The following KXD1 variants were observed in gnomAD, a reference collection of about 807,000 sequenced individuals.
KXD1 encodes KxDL motif containing 1.
In KXD1, 5 loss-of-function variants were observed where a neutral mutation model predicts 12.1. The observed-to-expected ratio is 0.41, with a 90% CI of 0.22 to 0.87. The LOEUF is 0.87. Among genes scored for constraint, KXD1 ranks in the 40% least tolerant of loss-of-function variants. KXD1 has a pLI of 0.31. For synonymous variants in KXD1, 98 were observed against 100.5 expected (o/e 0.98, Z 0.15); for missense variants, 193 against 244.9 (o/e 0.79, Z 1.41).
Position 18,568,723 on chromosome 19 carries a change from T to G in KXD1, c.*92T>G. 1.0e-6 allele frequency: 1 copy of G among 957,824 alleles called. No individual in the cohort carries two copies. The highest frequency in any genetic ancestry group is 2.2e-5 in the Admixed American group (1 of 44,470). 59.3% of individuals were successfully genotyped at this position (957,824 alleles called of 1,614,324 possible). A position where few individuals can be genotyped will look rare whatever the true frequency, so the allele number is the denominator to read the frequency against. ...GCCTTGTTCTGTCATCCAGGGCTCC[T>G]TTGCTGCCCCGTTCTGTCACCCAGG... On this transcript the variant is annotated 3_prime_UTR_variant, in exon 5 of 5. Coordinates refer to ENST00000222307, the MANE Select transcript of KXD1 (RefSeq NM_024069.4).
chr19:18,568,468 C>T lies in KXD1; in HGVS notation c.368C>T (p.Thr123Ile). The T allele has an allele frequency of 6.2e-7, 1 of 1,614,084 alleles. No individual in the cohort carries two copies. Among genetic ancestry groups the T allele is most frequent in the Non-Finnish European group, 8.5e-7 (1 of 1,180,010 alleles). ...CCCATCCCACCCAGCACCACGACCA[C>T]CATTGCCACCTCAGAACAGAGCACG... ...EDPIPPSTTT[T>I]IATSEQSTGS... Residue 123 changes from threonine (T) to isoleucine (I), a missense_variant, in exon 5 of 5, where the codon ACC (threonine) becomes ATC (isoleucine). Physicochemically the swap from Thr to Ile is moderately conservative, Grantham distance 89 (BLOSUM62 -1). Transcript: ENST00000222307.
At chr19:18,559,981 C>G (rs904527344) in intron 1 of KXD1, 1 of 119,734 alleles carries the variant, frequency 8.4e-6, no homozygotes, top group Non-Finnish European at 1.7e-5. Context: ...CTCTCTCTCC[C>G]TTCCTTCCTT....
chr19:18,559,919 CTCTCTCTT>C (rs1179822411), intron 1 of KXD1: 2 of 150,972 alleles, frequency 1.3e-5, no homozygotes, highest in Non-Finnish European at 3.0e-5. Context: ...TCTTTCTCTC[CTCTCTCTT>C]TCTCTCTTTG....
At position 18,564,978 on chromosome 19, in the gene KXD1, G is replaced by A. The variant is rs1263444994; in HGVS notation, c.211G>A (p.Val71Ile). 7 of 1,611,068 alleles carry A rather than the reference G, an allele frequency of 4.3e-6. No individual in the cohort carries two copies. Among genetic ancestry groups the A allele is most frequent in the Admixed American group, 1.7e-5 (1 of 60,018 alleles). The change falls in exon 3 of 5, where the codon GTA becomes ATA. Residue 71 changes from valine (V) to isoleucine (I), a missense_variant. Physicochemically the swap from Val to Ile is conservative, Grantham distance 29. Coordinates refer to ENST00000222307, the MANE Select transcript of KXD1 (RefSeq NM_024069.4). ...ERFLHHTRTL[V>I]EMKRDLDSIF... ...CTTCCTGCACCACACGAGGACCCTAGTAGAGATGAAACGGGACCTGGACAG... is the reference window on the plus strand; with the variant it reads ...CTTCCTGCACCACACGAGGACCCTAATAGAGATGAAACGGGACCTGGACAG...
intron 4 of KXD1, 77 bp downstream of exon 4, chr19:18,567,255 TG>T: frequency 7.0e-7 from 1 of 1,434,628 alleles, no homozygotes; most frequent in Non-Finnish European, 9.8e-7. Flanking sequence ...AAGGCCACCT[TG>T]GGGCCTGATA....
chr19:18,566,263 A>T (rs1218895103), intron 3 of KXD1, among the ~76,000 whole-genome samples: 1 of 151,832 alleles, frequency 6.6e-6, no homozygotes, highest in Non-Finnish European at 1.5e-5. Flanking sequence ...ATCCCGGCTA[A>T]CATGGTGAAA....
At chr19:18,565,163 A>G (rs908600205) in intron 3 of KXD1, 142 bp downstream of exon 3, 2 of 1,444,424 alleles carry the variant, frequency 1.4e-6, no homozygotes, top group Admixed American at 2.7e-5. Context: ...TGTCTGGGAC[A>G]ATTCCAACCC....
intron 1 of KXD1, among the ~76,000 whole-genome samples, chr19:18,561,213 G>C (rs1322809385): frequency 2.6e-5 from 4 of 151,976 alleles, no homozygotes; most frequent in African/African-American, 9.7e-5. Flanking sequence ...GAGCAGCCTA[G>C]GCAACATAGC....
chr19:18,565,852 T>A (rs2145247373), intron 3 of KXD1, among the ~76,000 whole-genome samples: 1 of 152,268 alleles, frequency 6.6e-6, no homozygotes, highest in Non-Finnish European at 1.5e-5. Flanking sequence ...CACGCCCAGC[T>A]GATTTTTTGT....
chr19:18,559,485 T>C (rs1361529044), intron 1 of KXD1: 1 of 152,136 alleles, frequency 6.6e-6, no homozygotes, highest in African/African-American at 2.4e-5. Context: ...GCCTCCATGA[T>C]ATCTTGGAAA....
At chr19:18,563,871 C>T (rs766934074) in intron 2 of KXD1, among the ~76,000 whole-genome samples, 3 of 151,540 alleles carry the variant, frequency 2.0e-5, no homozygotes, top group Non-Finnish European at 2.9e-5. Context: ...TCCACCCTGC[C>T]TCAACCTCCT....
In KXD1 at chr19:18,568,409, A is replaced by C. The variant is rs1200106688; in HGVS notation, c.309A>C (p.Pro103=). ...RQHPEAFSHI[P]EASFLEEEDE... The stretch of plus-strand genomic sequence containing the variant: ...TGGGCCTCCTTCCCCCAGATATCCC[A>C]GAGGCATCCTTCCTGGAGGAAGAGG... Residue 103 remains proline (P), a synonymous_variant, in exon 5 of 5, where the codon CCA becomes CCC. Transcript: ENST00000222307. 2.5e-6 allele frequency: 4 copies of C among 1,613,210 alleles called. No homozygotes were observed. The South Asian group carries it at 4.4e-5, about 18-fold the overall frequency.
chr19:18,559,735 C>T (rs1227594641), intron 1 of KXD1: 1 of 152,138 alleles, frequency 6.6e-6, no homozygotes. Flanking sequence ...CCCAGTTTCT[C>T]AGTGTCCCTG....
Position 18,568,436 on chromosome 19 carries a change from T to C in KXD1, c.336T>C (p.Asp112=). 6.2e-7 allele frequency: 1 copy of C among 1,614,100 alleles called. No homozygotes were observed. The highest frequency in any genetic ancestry group is 1.7e-5 in the Admixed American group (1 of 60,002). Residue 112 remains aspartate, a synonymous_variant, in exon 5 of 5, where the codon GAT becomes GAC. Coordinates refer to ENST00000222307, the MANE Select transcript of KXD1 (RefSeq NM_024069.4). The part of the protein sequence containing the change: ...IPEASFLEEE[D]EDPIPPSTTT... Reference sequence around the variant, plus strand: ...AGGCATCCTTCCTGGAGGAAGAGGATGAAGACCCCATCCCACCCAGCACCA... The same window carrying C: ...AGGCATCCTTCCTGGAGGAAGAGGACGAAGACCCCATCCCACCCAGCACCA...
chr19:18,564,780 C>A, intron 2 of KXD1, 89 bp from the exon 3 acceptor site: 1 of 1,459,102 alleles, frequency 6.9e-7, no homozygotes, highest in South Asian at 1.2e-5. Flanking sequence ...GTGAAGCAGG[C>A]AAGGGCTTGG....
chr19:18,565,142 G>A, intron 3 of KXD1, 121 bp downstream of exon 3: 2 of 1,496,896 alleles, frequency 1.3e-6, no homozygotes, highest in Non-Finnish European at 1.8e-6. Flanking sequence ...AGGCTTCACT[G>A]CGCACTTAAG....
intron 1 of KXD1, chr19:18,559,973 C>T (rs965312117): frequency 8.3e-5 from 12 of 144,396 alleles, no homozygotes; most frequent in African/African-American, 3.1e-4. Context: ...CTCTCTTTCT[C>T]TCTCTCCCTT....
chr19:18,568,565 C>A lies in KXD1; in HGVS notation c.465C>A (p.Val155=). The A allele has an allele frequency of 6.2e-7, 1 of 1,613,872 alleles. No individual in the cohort carries two copies. The highest frequency in any genetic ancestry group is 1.1e-5 in the South Asian group (1 of 91,084). Residue 155 remains valine (V), a synonymous_variant, in exon 5 of 5, where the codon GTC becomes GTA. Transcript: ENST00000222307. ...LSPGFEDLSH[V]QPGSPAINGR... Reference sequence around the variant, plus strand: ...CCGGCTTCGAGGACCTGTCCCATGTCCAGCCTGGCTCCCCAGCCATCAACG... The same window carrying A: ...CCGGCTTCGAGGACCTGTCCCATGTACAGCCTGGCTCCCCAGCCATCAACG...
intron 1 of KXD1, chr19:18,559,931 C>G (rs1022750609): frequency 1.3e-5 from 2 of 151,540 alleles, no homozygotes; most frequent in Non-Finnish European, 2.9e-5. Flanking sequence ...CTCTCTTTCT[C>G]TCTTTGTCTC....
Sources: gnomAD v4.1 joint callset for allele counts (sites outside exome capture counted in the v4.1 genomes callset) on GRCh38, gnomAD v4.1.1 for gene constraint, MANE v1.5 for transcripts, NCBI Gene and HGNC (gene_info 2026-07-23, HGNC 2026-07-21) for gene names.